The following NFIB variants were observed in gnomAD, a reference collection of about 807,000 sequenced individuals.
The protein encoded by NFIB is nuclear factor 1 B-type.
NFIB carries 11 observed loss-of-function variants against 61.5 expected under a neutral mutation model. The observed-to-expected ratio is 0.18, with a 90% CI of 0.11 to 0.30. The LOEUF (loss-of-function observed/expected upper bound fraction) is 0.30, where lower values mean the gene tolerates loss of function less well. Ranked by LOEUF, NFIB falls within the 10% of genes least tolerant of loss-of-function variation. The probability of loss-of-function intolerance (pLI) is 1.00; values close to 1 mark genes in which losing one functional copy is unlikely to be tolerated. For synonymous variants in NFIB, 260 were observed against 216.5 expected (o/e 1.20, Z -1.76); for missense variants, 471 against 608.9 (o/e 0.77, Z 2.38).
rs2032824145 is a variant in NFIB at position 14,086,087 on chromosome 9, GTT to G, written c.*2220_*2221del. 8.9e-6 allele frequency: 2 copies of G among 225,256 alleles called. No homozygotes were observed. Among genetic ancestry groups the G allele is most frequent in the Non-Finnish European group, 1.8e-5 (2 of 112,766 alleles). 14.0% of individuals were successfully genotyped at this position (225,256 alleles called of 1,614,324 possible). On this transcript the variant is annotated 3_prime_UTR_variant, in exon 11 of 11. Transcript: ENST00000380953. ...GTGTTGTTATGAAAACCAGTAATGA[GTT>G]CAGCTTGCAACCCAGGTGGGAAGTT...
At chr9:14,495,383 C>G in the NFIB span, among the ~76,000 whole-genome samples, 1 of 150,374 alleles carries the variant, frequency 6.7e-6, no homozygotes, top group Non-Finnish European at 1.5e-5. Context: ...TCAGGAACAG[C>G]AGAGCTACTC....
At chr9:14,386,100 T>C (rs2061546473) in intron 1 of NFIB, among the ~76,000 whole-genome samples, 2 of 152,224 alleles carry the variant, frequency 1.3e-5, no homozygotes, top group South Asian at 4.1e-4. Flanking sequence ...GGAATTTTGA[T>C]AAATGTGCTG....
chr9:14,211,832 A>G (rs1431642574), intron 2 of NFIB, among the ~76,000 whole-genome samples: 1 of 152,258 alleles, frequency 6.6e-6, no homozygotes, highest in Admixed American at 6.5e-5. Flanking sequence ...TGACATGAAT[A>G]TTGTACTTTC....
chr9:14,173,350 T>C (rs2045788040), intron 3 of NFIB, among the ~76,000 whole-genome samples: 1 of 152,192 alleles, frequency 6.6e-6, no homozygotes, highest in Admixed American at 6.5e-5. Context: ...GGAAACAGTA[T>C]TTCACAACTT....
At chr9:14,239,252 A>T (rs1237785001) in intron 2 of NFIB, among the ~76,000 whole-genome samples, 1 of 152,232 alleles carries the variant, frequency 6.6e-6, no homozygotes, top group African/African-American at 2.4e-5. Context: ...CACAATGGTC[A>T]CAAAGAAAAT....
At chr9:14,294,934 C>G (rs905008725) in intron 2 of NFIB, among the ~76,000 whole-genome samples, 2 of 152,092 alleles carry the variant, frequency 1.3e-5, no homozygotes, top group East Asian at 3.9e-4. Context: ...AAACAAGCAC[C>G]GAAACTAGTT....
At chr9:14,102,083 G>A (rs1466553358) in intron 10 of NFIB, among the ~76,000 whole-genome samples, 1 of 152,164 alleles carries the variant, frequency 6.6e-6, no homozygotes, top group Admixed American at 6.5e-5. Context: ...TCCTCAGGTA[G>A]CTGAAAAATC....
At chr9:14,483,130 C>T in the NFIB span, among the ~76,000 whole-genome samples, 110 of 152,020 alleles carry the variant, frequency 7.2e-4, 1 homozygote, top group East Asian at 7.7e-4. Context: ...TTAGGCTGTT[C>T]GAAAAGAAAC....
chr9:14,147,343 A>G (rs1406931291), intron 5 of NFIB, among the ~76,000 whole-genome samples: 1 of 152,136 alleles, frequency 6.6e-6, no homozygotes, highest in Admixed American at 6.6e-5. Flanking sequence ...AATCATCTGT[A>G]AATTGGAAAC....
At chr9:14,417,774 GT>G in the NFIB span, among the ~76,000 whole-genome samples, 1,794 of 91,750 alleles carry the variant, frequency 0.02, 29 homozygotes, top group African/African-American at 0.064. Flanking sequence ...CCTAGGAACA[GT>G]TTTTTTTTTT....
intron 2 of NFIB, among the ~76,000 whole-genome samples, chr9:14,272,484 AATTTAAAGCCTCTTC>A (rs1029181820): frequency 5.3e-5 from 8 of 152,106 alleles, no homozygotes; most frequent in Non-Finnish European, 8.8e-5. Context: ...TGCAGCTATA[AATTTAAAGCCTCTTC>A]ATCTTCCTGC....
chr9:14,395,307 CA>C (rs756342314), intron 1 of NFIB, among the ~76,000 whole-genome samples: 3,716 of 86,078 alleles, frequency 0.043, 121 homozygotes, highest in African/African-American at 0.13. Flanking sequence ...TCGGGACAGC[CA>C]AAAAAAAAAA....
chr9:14,342,423 A>AGAAGGAAG (rs563853168), intron 1 of NFIB, among the ~76,000 whole-genome samples: 3 of 151,756 alleles, frequency 2.0e-5, no homozygotes, highest in East Asian at 1.9e-4. Flanking sequence ...CAGTGAAATG[A>AGAAGGAAG]GAAGGAAGGA....
At chr9:14,256,565 C>T (rs1226008518) in intron 2 of NFIB, among the ~76,000 whole-genome samples, 1 of 152,154 alleles carries the variant, frequency 6.6e-6, no homozygotes, top group African/African-American at 2.4e-5. Context: ...TATTCATATT[C>T]TAGCTGCCAA....
chr9:14,172,360 G>A (rs1432690812), intron 3 of NFIB, among the ~76,000 whole-genome samples: 1 of 152,140 alleles, frequency 6.6e-6, no homozygotes, highest in Non-Finnish European at 1.5e-5. Context: ...AGAGGGCTAG[G>A]AAAAGTAAAG....
intron 1 of NFIB, among the ~76,000 whole-genome samples, chr9:14,391,030 A>G (rs1024712799): frequency 2.0e-5 from 3 of 152,204 alleles, no homozygotes; most frequent in African/African-American, 7.2e-5. Context: ...CACATACAGA[A>G]GAATATCAAT....
rs796959441 is a variant in NFIB, at chr9:14,254,303, AAAAC to A, written c.562+52682_562+52685del. On this transcript the variant is annotated intron_variant, in intron 2 of 10. Coordinates refer to ENST00000380953, the MANE Select transcript of NFIB (RefSeq NM_001190737.2). Reference sequence around the variant, plus strand: ...GCAACAGAGTGACACTGTCTCAAAAAAAACAAAACAAAACAAAACAAAACAAAAC... The same window carrying A: ...GCAACAGAGTGACACTGTCTCAAAAAAAAACAAAACAAAACAAAACAAAAC... Among the ~76,000 whole-genome samples the A allele has an allele frequency of 7.3e-3, 1,046 of 142,758 alleles. 17 individuals are homozygous for A. The highest frequency in any genetic ancestry group is 0.028 in the African/African-American group (938 of 33,968). 93.7% of individuals were successfully genotyped at this position (142,758 alleles called of 152,430 possible). A position where few individuals can be genotyped will look rare whatever the true frequency, so the allele number is the denominator to read the frequency against.
the NFIB span, among the ~76,000 whole-genome samples, chr9:14,505,157 A>G: frequency 6.6e-6 from 1 of 152,152 alleles, no homozygotes; most frequent in African/African-American, 2.4e-5. Flanking sequence ...ATATAAAACC[A>G]TCCTTACATC....
intron 2 of NFIB, among the ~76,000 whole-genome samples, chr9:14,220,342 A>C (rs1284399992): frequency 6.6e-6 from 1 of 152,228 alleles, no homozygotes; most frequent in Non-Finnish European, 1.5e-5. Context: ...ATCTGAAGCT[A>C]TTTTAAAGCC....
Sources: gnomAD v4.1 joint callset for allele counts (sites outside exome capture counted in the v4.1 genomes callset) on GRCh38, gnomAD v4.1.1 for gene constraint, MANE v1.5 for transcripts, NCBI Gene and HGNC (gene_info 2026-07-23, HGNC 2026-07-21) for gene names.